PARP16: variants seen among roughly 807,000 people sequenced by gnomAD.
PARP16 encodes the protein poly(ADP-ribose) polymerase family member 16.
Under a neutral mutation model 35.0 loss-of-function variants are expected in PARP16, and 31 were observed. The observed-to-expected ratio is 0.88, with a 90% CI of 0.66 to 1.19. The LOEUF (loss-of-function observed/expected upper bound fraction) is 1.19. Ranked by LOEUF, PARP16 falls within the 50% of genes most tolerant of loss-of-function variation. PARP16 has a pLI of 0.00. For synonymous variants in PARP16, 162 were observed against 169.5 expected, an observed-to-expected ratio of 0.96 and a Z score of 0.34; for missense variants, 424 against 411.2, an observed-to-expected ratio of 1.03 and a Z score of -0.27.
chr15:65,269,034 C>T (rs371516788), intron 2 of PARP16, among the ~76,000 whole-genome samples: 1 of 152,004 alleles, frequency 6.6e-6, no homozygotes, highest in East Asian at 1.9e-4. Context: ...GAATTACAGG[C>T]GTGAGCTTGT....
chr15:65,261,170 C>A, intron 4 of PARP16, 144 bp from the exon 5 acceptor site: 1 of 615,356 alleles, frequency 1.6e-6, no homozygotes, highest in Non-Finnish European at 2.7e-6. Flanking sequence ...GTGCATGAAG[C>A]AGCACTGAAA....
At chr15:65,250,107 CTTTTTTTTTT>C (rs71136331) in intron 2 of PARP16, among the ~76,000 whole-genome samples, 36,325 of 86,016 alleles carry the variant, frequency 0.42, 6,794 homozygotes, top group East Asian at 0.78. Context: ...ACCTGCTTGC[CTTTTTTTTTT>C]TTTTTTTTTT....
intron 2 of PARP16, among the ~76,000 whole-genome samples, chr15:65,252,635 A>C (rs1595997133): frequency 6.6e-6 from 1 of 152,138 alleles, no homozygotes; most frequent in East Asian, 1.9e-4. Context: ...GCAAAGTTTG[A>C]TTCCAGCGGC....
chr15:65,269,608 G>T (rs553143992), intron 2 of PARP16, among the ~76,000 whole-genome samples: 1 of 152,294 alleles, frequency 6.6e-6, no homozygotes, highest in East Asian at 1.9e-4. Flanking sequence ...TTGATGTAAG[G>T]TTGCCATGTA....
At chr15:65,261,161 T>C (rs2089698908) in intron 4 of PARP16, 135 bp from the exon 5 acceptor site, 1 of 699,538 alleles carries the variant, frequency 1.4e-6, no homozygotes, top group Non-Finnish European at 2.3e-6. Flanking sequence ...GACCTGTGTG[T>C]GCATGAAGCA....
chr15:65,234,180 T>C (rs1322865335), downstream of PARP16, among the ~76,000 whole-genome samples: 5 of 152,184 alleles, frequency 3.3e-5, 1 homozygote, highest in Non-Finnish European at 7.3e-5. Flanking sequence ...AGAATAAGAA[T>C]GTTGCCCAGG....
chr15:65,259,346 T>TA lies in PARP16; in HGVS notation c.*60dup, dbSNP rs998442753. The TA allele has an allele frequency of 3.0e-5, 47 of 1,578,036 alleles. No individual in the cohort carries two copies. In the Middle Eastern group the frequency reaches 8.4e-4, roughly 28 times the overall value. Reference sequence around the variant, plus strand: ...CTGGCTGGACATGAGGCATAGGAGGTACAGAACAAGTTACCATAAGGCACA... The same window carrying TA: ...CTGGCTGGACATGAGGCATAGGAGGTAACAGAACAAGTTACCATAAGGCACA... On this transcript the variant is annotated 3_prime_UTR_variant, in exon 6 of 6. Coordinates refer to ENST00000649807, the MANE Select transcript of PARP16 (RefSeq NM_001316943.2).
At chr15:65,234,758 A>G (rs746512479) in exon 4 of PARP16, 6 of 152,344 alleles carry the variant, frequency 3.9e-5, no homozygotes, top group Non-Finnish European at 7.3e-5. Context: ...TTCTGGCTGT[A>G]AAACCTACAT....
In PARP16 at chr15:65,259,306, GC is replaced by G; in HGVS notation, c.*100del. 1 of 1,159,766 alleles carries G rather than the reference GC, an allele frequency of 8.6e-7. No homozygotes were observed. The highest frequency in any genetic ancestry group is 1.4e-5 in the South Asian group (1 of 74,032). 71.8% of individuals were successfully genotyped at this position (1,159,766 alleles called of 1,614,324 possible). ...AAATTGTCCTGTGGTCCCCCAACTG[GC>G]CCCTAGGCTCAACCTGGCTGGACAT... On this transcript the variant is annotated 3_prime_UTR_variant, in exon 6 of 6. Coordinates refer to ENST00000649807, the MANE Select transcript of PARP16 (RefSeq NM_001316943.2).
chr15:65,286,496 G>C lies in PARP16; in HGVS notation c.-70C>G. 2 of 1,243,914 alleles carry C rather than the reference G, an allele frequency of 1.6e-6. No homozygotes were observed. Among genetic ancestry groups the C allele is most frequent in the African/African-American group, 1.6e-5 (1 of 62,842 alleles). 77.1% of individuals were successfully genotyped at this position (1,243,914 alleles called of 1,614,324 possible). A position where few individuals can be genotyped will look rare whatever the true frequency, so the allele number is the denominator to read the frequency against. ...CAAGGGCGAGCGTGCGTTCAGCGCG[G>C]GGGCTGGGCCCGCGGACAATGGGCC... On this transcript the variant is annotated 5_prime_UTR_variant, in exon 1 of 6. Transcript: ENST00000649807.
At chr15:65,241,740 A>G (rs1040642889) in intron 3 of PARP16, among the ~76,000 whole-genome samples, 1 of 152,044 alleles carries the variant, frequency 6.6e-6, no homozygotes, top group Non-Finnish European at 1.5e-5. Flanking sequence ...GATACAAATC[A>G]TTTATTCTTC....
chr15:65,255,092 A>G (rs367811195), downstream of PARP16, among the ~76,000 whole-genome samples: 1 of 152,260 alleles, frequency 6.6e-6, no homozygotes, highest in African/African-American at 2.4e-5. Context: ...GGTGGCTCCA[A>G]CTAAACCACT....
At chr15:65,265,225 C>G (rs2089852049) in intron 3 of PARP16, among the ~76,000 whole-genome samples, 1 of 152,262 alleles carries the variant, frequency 6.6e-6, no homozygotes, top group South Asian at 2.1e-4. Flanking sequence ...AGGCCTGCAG[C>G]TCCTCCAACT....
At chr15:65,247,022 G>A (rs1322982362) in intron 3 of PARP16, among the ~76,000 whole-genome samples, 3 of 151,926 alleles carry the variant, frequency 2.0e-5, no homozygotes, top group East Asian at 1.9e-4. Flanking sequence ...ACAGGGTCTC[G>A]CTCTGTTGCC....
chr15:65,262,543 T>A (rs1362515953), intron 4 of PARP16, among the ~76,000 whole-genome samples: 1 of 152,076 alleles, frequency 6.6e-6, no homozygotes, highest in African/African-American at 2.4e-5. Context: ...AGGGACACAG[T>A]AGGGGAGTGG....
intron 3 of PARP16, among the ~76,000 whole-genome samples, chr15:65,243,701 G>A (rs1205979773): frequency 6.6e-6 from 1 of 151,918 alleles, no homozygotes; most frequent in East Asian, 1.9e-4. Flanking sequence ...ACTAGTGAAG[G>A]CATCTGGGCC....
At chr15:65,250,398 G>T (rs544613872) in intron 2 of PARP16, among the ~76,000 whole-genome samples, 1 of 151,898 alleles carries the variant, frequency 6.6e-6, no homozygotes, top group Non-Finnish European at 1.5e-5. Flanking sequence ...GATTACAGGC[G>T]TGAGCCACTG....
Position 65,286,765 on chromosome 15 carries a change from C to CG in PARP16, c.-340dup, listed in dbSNP as rs2090614009. 3.7e-6 allele frequency: 1 copy of CG among 273,158 alleles called. No homozygotes were observed. The highest frequency in any genetic ancestry group is 2.2e-5 in the African/African-American group (1 of 45,418). 16.9% of individuals were successfully genotyped at this position (273,158 alleles called of 1,614,324 possible). ...GGCTATGACAATGGAATGACAACCG[C>CG]GGGAACGTGCTGACACGTGTCCTCC... On this transcript the variant is annotated 5_prime_UTR_variant, in exon 1 of 6. Coordinates refer to ENST00000649807, the MANE Select transcript of PARP16 (RefSeq NM_001316943.2).
intron 3 of PARP16, among the ~76,000 whole-genome samples, chr15:65,240,207 G>C (rs991747323): frequency 1.3e-5 from 2 of 150,666 alleles, no homozygotes; most frequent in Non-Finnish European, 3.0e-5. Context: ...GCAGTGGCTC[G>C]GCTCACTGCA....
Sources: gnomAD v4.1 joint callset for allele counts (sites outside exome capture counted in the v4.1 genomes callset) on GRCh38, gnomAD v4.1.1 for gene constraint, MANE v1.5 for transcripts, NCBI Gene and HGNC (gene_info 2026-07-23, HGNC 2026-07-21) for gene names.